Variants in MYO1G observed in about 807,000 individuals in gnomAD.
MYO1G encodes unconventional myosin-Ig.
MYO1G carries 65 observed loss-of-function variants against 115.3 expected under a neutral mutation model. The observed-to-expected ratio is 0.56, with a 90% CI of 0.46 to 0.69. The LOEUF is 0.69. Ranked by LOEUF, MYO1G falls within the 30% of genes least tolerant of loss-of-function variation. MYO1G has a pLI of 0.00. For missense variants in MYO1G, 1,204 were observed against 1,393.5 expected, an observed-to-expected ratio of 0.86 and a Z score of 2.16; for synonymous variants, 510 against 552.6, an observed-to-expected ratio of 0.92 and a Z score of 1.08.
chr7:44,976,561 C>T lies in MYO1G; in HGVS notation c.398+3G>A. 6.2e-7 allele frequency: 1 copy of T among 1,614,022 alleles called. No individual in the cohort carries two copies. Among genetic ancestry groups the T allele is most frequent in the Non-Finnish European group, 8.5e-7 (1 of 1,179,928 alleles). Reference sequence around the variant, plus strand: ...AGGCCCAGAGCTGCCCATTGCCACTCACCTCTCCACCTCAGCCCTCTGGCT... The same window carrying T: ...AGGCCCAGAGCTGCCCATTGCCACTTACCTCTCCACCTCAGCCCTCTGGCT... On this transcript the variant is annotated splice_donor_region_variant and intron_variant, in intron 3 of 21. Transcript: ENST00000258787.
chr7:44,978,113 C>G (rs988265187), intron 1 of MYO1G, among the ~76,000 whole-genome samples: 24 of 152,140 alleles, frequency 1.6e-4, no homozygotes, highest in African/African-American at 5.8e-4. Context: ...AGTGGGGATC[C>G]TGGTCCCCAA....
At chr7:44,971,940 A>G (rs1037394215) in intron 6 of MYO1G, 151 bp from the exon 7 acceptor site, 2 of 749,704 alleles carry the variant, frequency 2.7e-6, no homozygotes, top group African/African-American at 1.7e-5. Context: ...GCACCTGCTC[A>G]CCCCTGCACT....
Position 44,966,367 on chromosome 7 carries a change from G to T in MYO1G, c.1950-87C>A. ...TGCCCACCCCACACCTGGGGAGATGGCAGGGATACAGAGTGTGTTCCTGGA... is the reference window on the plus strand; with the variant it reads ...TGCCCACCCCACACCTGGGGAGATGTCAGGGATACAGAGTGTGTTCCTGGA... On this transcript the variant is annotated intron_variant, in intron 15 of 21. Transcript: ENST00000258787. This position sits in a 1 kb window ranked among gnomAD's most constrained non-coding sequence, Gnocchi z 5.0. The T allele has an allele frequency of 8.2e-7, 1 of 1,212,266 alleles. No individual in the cohort carries two copies. Among genetic ancestry groups the T allele is most frequent in the Non-Finnish European group, 1.2e-6 (1 of 852,724 alleles). 75.1% of individuals were successfully genotyped at this position (1,212,266 alleles called of 1,614,324 possible).
Position 44,976,884 on chromosome 7 carries a change from C to T in MYO1G, c.283G>A (p.Asp95Asn). 3 of 1,613,428 alleles carry T rather than the reference C, an allele frequency of 1.9e-6. No homozygotes were observed. Among genetic ancestry groups the T allele is most frequent in the Non-Finnish European group, 2.5e-6 (3 of 1,180,024 alleles). The stretch of plus-strand genomic sequence containing the variant: ...GTACCTGAGATGACGATGCAGGTGT[C>T]CCTGGACCGGTGCTTCATTGCCTTG... ...AYKAMKHRSR[D>N]TCIVISGESG... The change falls in exon 2 of 22, where the codon GAC becomes AAC. Residue 95 changes from aspartate to asparagine, a missense_variant. Physicochemically the swap from Asp to Asn is conservative, Grantham distance 23. Coordinates refer to ENST00000258787, the MANE Select transcript of MYO1G (RefSeq NM_033054.3).
Position 44,970,954 on chromosome 7 carries a change from G to A in MYO1G, c.952C>T (p.Pro318Ser). 1 of 1,613,498 alleles carries A rather than the reference G, an allele frequency of 6.2e-7. No individual in the cohort carries two copies. The highest frequency in any genetic ancestry group is 8.5e-7 in the Non-Finnish European group (1 of 1,180,018). The change falls in exon 8 of 22, where the codon CCC (proline) becomes TCC (serine). Residue 318 changes from proline to serine, a missense_variant. Physicochemically the swap from Pro to Ser is moderately conservative, Grantham distance 74 (BLOSUM62 -1). Coordinates refer to ENST00000258787, the MANE Select transcript of MYO1G (RefSeq NM_033054.3). The part of the protein sequence containing the change: ...VDHVAELTAT[P>S]RDLVLRSLLA... ...AGGGAGCGGAGCACGAGGTCCCGGG[G>A]TGTGGCCGTCAGCTCAGCCACATGG... is the stretch of plus-strand genomic sequence containing the variant.
chr7:44,965,797 G>T lies in MYO1G; in HGVS notation c.2221C>A (p.Arg741Ser), dbSNP rs767004739. The change falls in exon 17 of 22, where the codon CGC becomes AGC. Residue 741 changes from arginine to serine, a missense_variant. Coordinates refer to ENST00000258787, the MANE Select transcript of MYO1G (RefSeq NM_033054.3). ...CGCACCTTGTGTCTCCGGAACCAGC[G>T]CATGATGGTGTAGATAGCCCTCAGC... ...RRLRAIYTIM[R>S]WFRRHKVRAH... 2 of 1,604,352 alleles carry T rather than the reference G, an allele frequency of 1.2e-6. No individual in the cohort carries two copies. Among genetic ancestry groups the T allele is most frequent in the East Asian group, 2.2e-5 (1 of 44,864 alleles).
In MYO1G at chr7:44,964,890, GC is replaced by G; in HGVS notation, c.2526+54del. The G allele has an allele frequency of 6.4e-7, 1 of 1,561,498 alleles. No homozygotes were observed. The highest frequency in any genetic ancestry group is 8.7e-7 in the Non-Finnish European group (1 of 1,148,434). On this transcript the variant is annotated intron_variant, in intron 18 of 21. Transcript: ENST00000258787. The surrounding 1 kb of genome is among the most constrained non-coding windows in gnomAD (Gnocchi z 5.1). ...GACCTGGTCACAGCATTAGCCGAGA[GC>G]CCTCTTTGGCAGCCCACTTCCCCCT... is the stretch of plus-strand genomic sequence containing the variant.
At chr7:44,972,067 G>T in intron 6 of MYO1G, 48 bp downstream of exon 6, 1 of 1,426,196 alleles carries the variant, frequency 7.0e-7, no homozygotes, top group Non-Finnish European at 9.9e-7. Context: ...CCACACTCAG[G>T]CCCTGACACT....
chr7:44,971,022 A>G lies in MYO1G; in HGVS notation c.884T>C (p.Leu295Pro). The G allele has an allele frequency of 1.2e-6, 2 of 1,613,098 alleles. No individual in the cohort carries two copies. Among genetic ancestry groups the G allele is most frequent in the Middle Eastern group, 1.6e-4 (1 of 6,062 alleles). The change falls in exon 8 of 22, where the codon CTG becomes CCG. Residue 295 changes from leucine (L) to proline (P), a missense_variant. Coordinates refer to ENST00000258787, the MANE Select transcript of MYO1G (RefSeq NM_033054.3). ...IEFVETEEGG[L>P]QKEGLAVAEE... ...GGCCACTGCCAGGCCCTCCTTCTGC[A>G]GCCCACCCTCCTCCGTCTCCACAAA...
intron 3 of MYO1G, among the ~76,000 whole-genome samples, chr7:44,976,187 G>C (rs1795046492): frequency 6.6e-6 from 1 of 152,228 alleles, no homozygotes; most frequent in Non-Finnish European, 1.5e-5. Context: ...TGGCATGCTT[G>C]GCCATCTTGG....
Position 44,963,772 on chromosome 7 carries a change from G to A in MYO1G, c.2745+277C>T. Reference sequence around the variant, plus strand: ...TGCCCAGGTGGGAGAACCCCAGTTGGGCACAAGTTGGAAGAGGGGACCATT... The same window carrying A: ...TGCCCAGGTGGGAGAACCCCAGTTGAGCACAAGTTGGAAGAGGGGACCATT... On this transcript the variant is annotated intron_variant, in intron 20 of 21. Coordinates refer to ENST00000258787, the MANE Select transcript of MYO1G (RefSeq NM_033054.3). This position sits in a 1 kb window ranked among gnomAD's most constrained non-coding sequence, Gnocchi z 4.1. 1 of 453,118 alleles carries A rather than the reference G, an allele frequency of 2.2e-6. No individual in the cohort carries two copies. Among genetic ancestry groups the A allele is most frequent in the Middle Eastern group, 6.0e-4 (1 of 1,654 alleles). The allele number at this position is 453,118 out of a possible 1,614,324, so 28.1% of individuals were successfully genotyped here. A position where few individuals can be genotyped will look rare whatever the true frequency, so the allele number is the denominator to read the frequency against.
At chr7:44,977,586 G>C (rs1016363683) in intron 1 of MYO1G, among the ~76,000 whole-genome samples, 6 of 151,880 alleles carry the variant, frequency 4.0e-5, no homozygotes, top group African/African-American at 1.2e-4. Flanking sequence ...AGTTGATGTC[G>C]TTGTCTTTAC....
chr7:44,970,977 T>C lies in MYO1G; in HGVS notation c.929A>G (p.His310Arg). 1 of 1,613,570 alleles carries C rather than the reference T, an allele frequency of 6.2e-7. No homozygotes were observed. Among genetic ancestry groups the C allele is most frequent in the East Asian group, 2.2e-5 (1 of 44,878 alleles). ...GGGTGTGGCCGTCAGCTCAGCCACATGGTCCACCAGTGCCTCCTCGGCCAC... is the reference window on the plus strand; with the variant it reads ...GGGTGTGGCCGTCAGCTCAGCCACACGGTCCACCAGTGCCTCCTCGGCCAC... ...LAVAEEALVD[H>R]VAELTATPRD... Residue 310 changes from histidine to arginine, a missense_variant, in exon 8 of 22, where the codon CAT becomes CGT. His to Arg is a conservative substitution (Grantham distance 29). Transcript: ENST00000258787.
rs1794785019 is a variant in MYO1G at position 44,963,433 on chromosome 7, G to A, written c.2746-309C>T. 1 of 381,612 alleles carries A rather than the reference G, an allele frequency of 2.6e-6. No homozygotes were observed. The highest frequency in any genetic ancestry group is 4.4e-5 in the Admixed American group (1 of 22,744). 23.6% of individuals were successfully genotyped at this position (381,612 alleles called of 1,614,324 possible). A position where few individuals can be genotyped will look rare whatever the true frequency, so the allele number is the denominator to read the frequency against. ...CCCTTGCATGTGCTACTGCCTGGAG[G>A]AGCCGTTTTTAGTTCTAGGTCACTT... On this transcript the variant is annotated intron_variant, in intron 20 of 21. Transcript: ENST00000258787. This position sits in a 1 kb window ranked among gnomAD's most constrained non-coding sequence, Gnocchi z 4.1.
Position 44,971,139 on chromosome 7 carries a change from G to A in MYO1G, c.847-80C>T. The A allele has an allele frequency of 1.6e-6, 2 of 1,244,302 alleles. 1 individual carries two copies. The highest frequency in any genetic ancestry group is 2.8e-5 in the South Asian group (2 of 72,712). 77.1% of individuals were successfully genotyped at this position (1,244,302 alleles called of 1,614,324 possible). On this transcript the variant is annotated intron_variant, in intron 7 of 21. Transcript: ENST00000258787. ...ACAACTTTGGACAAGAAGGAGGAAG[G>A]AAAGCAGGGGACATGGATGCGGTAG...
At position 44,971,752 on chromosome 7, in the gene MYO1G, G is replaced by A. The variant is rs868581313; in HGVS notation, c.767C>T (p.Thr256Ile). 14 of 1,555,538 alleles carry A rather than the reference G, an allele frequency of 9.0e-6. No homozygotes were observed. In the Middle Eastern group the frequency reaches 1.8e-3, roughly 203 times the overall value. Residue 256 changes from threonine (T) to isoleucine (I), a missense_variant, in exon 7 of 22, where the codon ACC (threonine) becomes ATC (isoleucine). Physicochemically the swap from Thr to Ile is moderately conservative, Grantham distance 89. Coordinates refer to ENST00000258787, the MANE Select transcript of MYO1G (RefSeq NM_033054.3). The stretch of plus-strand genomic sequence containing the variant: ...GAAGCCGATGACCCTCATGGCCTCG[G>A]TCACTGCCTGGTGGCTCTGCTCATC... The part of the protein sequence containing the change: ...DSDEQSHQAV[T>I]EAMRVIGFSP...
Position 44,965,654 on chromosome 7 carries a change from G to A in MYO1G, c.2364C>T (p.Cys788=), listed in dbSNP as rs1402865334. ...PAVLQPFQDT[C]HALFCRWRAR... is the part of the protein sequence containing the mutation. ...AGTAGTACCTGCAGAAGAGTGCGTG[G>A]CAGGTGTCCTGGAAGGGCTGCAGCA... Residue 788 remains cysteine (C), a synonymous_variant, in exon 17 of 22, where the codon TGC becomes TGT. Coordinates refer to ENST00000258787, the MANE Select transcript of MYO1G (RefSeq NM_033054.3). 1 of 1,613,578 alleles carries A rather than the reference G, an allele frequency of 6.2e-7. No homozygotes were observed. Among genetic ancestry groups the A allele is most frequent in the Non-Finnish European group, 8.5e-7 (1 of 1,179,818 alleles).
At position 44,976,988 on chromosome 7, in the gene MYO1G, G is replaced by T. The variant is rs201090665; in HGVS notation, c.179C>A (p.Pro60His). The change falls in exon 2 of 22, where the codon CCT becomes CAT. Residue 60 changes from proline to histidine, a missense_variant. Coordinates refer to ENST00000258787, the MANE Select transcript of MYO1G (RefSeq NM_033054.3). ...GCCCTGGTACCTGGCGATGGCCTCA[G>T]GCCCATACAGGGGCAGCTCCTGGTA... is the stretch of plus-strand genomic sequence containing the variant. ...NPYQELPLYG[P>H]EAIARYQGRE... 260 of 1,613,684 alleles carry T rather than the reference G, an allele frequency of 1.6e-4. 1 individual carries two copies. Among genetic ancestry groups the T allele is most frequent in the Admixed American group, 2.2e-4 (13 of 60,032 alleles).
At position 44,969,134 on chromosome 7, in the gene MYO1G, G is replaced by C; in HGVS notation, c.1574+279C>G. On this transcript the variant is annotated intron_variant, in intron 12 of 21. Coordinates refer to ENST00000258787, the MANE Select transcript of MYO1G (RefSeq NM_033054.3). The surrounding 1 kb of genome is among the most constrained non-coding windows in gnomAD (Gnocchi z 5.0). The stretch of plus-strand genomic sequence containing the variant: ...CCAGCCTGAAGCCCCCCACCCCACA[G>C]ATGCTGGTATAGGGTTGGGCCCAGA... 1 of 284,472 alleles carries C rather than the reference G, an allele frequency of 3.5e-6. No individual in the cohort carries two copies. The highest frequency in any genetic ancestry group is 6.8e-6 in the Non-Finnish European group (1 of 146,082). The allele number at this position is 284,472 out of a possible 1,614,324, so 17.6% of individuals were successfully genotyped here.
Sources: allele counts gnomAD v4.1 joint callset (sites outside exome capture counted in the v4.1 genomes callset), GRCh38; gene constraint gnomAD v4.1.1; non-coding constraint Gnocchi (gnomAD v3.1); transcripts MANE v1.5; gene names NCBI Gene and HGNC (gene_info 2026-07-23, HGNC 2026-07-21).